MCTP1: variants seen among roughly 807,000 people sequenced by gnomAD.
MCTP1 encodes the protein multiple C2 and transmembrane domain containing 1.
In MCTP1, 69 loss-of-function variants were observed where a neutral mutation model predicts 120.6. The ratio of observed to expected loss-of-function variants is 0.57; its 90% CI spans 0.47 to 0.70. The LOEUF is 0.70. Ranked by LOEUF, MCTP1 falls within the 30% of genes least tolerant of loss-of-function variation. The pLI is 0.00. For missense variants in MCTP1, 1,203 were observed against 1,248.8 expected (o/e 0.96, Z 0.55); for synonymous variants, 529 against 493.1 (o/e 1.07, Z -0.96).
At chr5:95,071,793 T>A (rs1348472060) in intron 1 of MCTP1, among the ~76,000 whole-genome samples, 1 of 152,184 alleles carries the variant, frequency 6.6e-6, no homozygotes, top group Non-Finnish European at 1.5e-5. Context: ...AGAATGGCAC[T>A]CATACTCACA....
chr5:94,745,438 T>G (rs1173832618), intron 19 of MCTP1, among the ~76,000 whole-genome samples: 1 of 152,218 alleles, frequency 6.6e-6, no homozygotes, highest in Non-Finnish European at 1.5e-5. Context: ...ATATTTGACT[T>G]CTTTTAGCCT....
intron 1 of MCTP1, among the ~76,000 whole-genome samples, chr5:95,127,662 G>A (rs531749391): frequency 1.2e-4 from 19 of 152,234 alleles, no homozygotes; most frequent in East Asian, 1.9e-4. Context: ...AAAAAGAACC[G>A]GGGAAGGAAG....
At chr5:95,172,238 A>C (rs1262383749) in intron 1 of MCTP1, among the ~76,000 whole-genome samples, 1 of 152,188 alleles carries the variant, frequency 6.6e-6, no homozygotes, top group Non-Finnish European at 1.5e-5. Flanking sequence ...GCTGAACAGC[A>C]AATGTTGCTG....
At chr5:94,728,008 C>T (rs1762448988) in intron 19 of MCTP1, among the ~76,000 whole-genome samples, 1 of 152,150 alleles carries the variant, frequency 6.6e-6, no homozygotes, top group Non-Finnish European at 1.5e-5. Context: ...ACCTGAATAA[C>T]AACTTAGTGT....
At chr5:95,209,857 T>C (rs1752117175) in intron 1 of MCTP1, among the ~76,000 whole-genome samples, 1 of 152,184 alleles carries the variant, frequency 6.6e-6, no homozygotes, top group Non-Finnish European at 1.5e-5. Flanking sequence ...GTCCCAGAGA[T>C]TCTGGTATGT....
In MCTP1 at chr5:94,891,909, A is replaced by G. The variant is rs979236531; in HGVS notation, c.1839+2740T>C. On this transcript the variant is annotated intron_variant, in intron 11 of 22. Transcript: ENST00000515393. ...ATGGCTTCTGAAGCCAGAAATTTCC[A>G]TAGCAGAGGAATCTATGATTTGCTG... 1.3e-5 allele frequency among the ~76,000 whole-genome samples: 2 copies of G among 152,222 alleles called. 1 individual carries two copies. Among genetic ancestry groups the G allele is most frequent in the Non-Finnish European group, 2.9e-5 (2 of 68,036 alleles).
chr5:95,171,593 G>A (rs964020562), intron 1 of MCTP1, among the ~76,000 whole-genome samples: 1 of 152,074 alleles, frequency 6.6e-6, no homozygotes, highest in Non-Finnish European at 1.5e-5. Flanking sequence ...CATATTTCTT[G>A]GAGGCTTTGT....
intron 19 of MCTP1, among the ~76,000 whole-genome samples, chr5:94,734,068 G>A (rs1763681373): frequency 6.6e-6 from 1 of 152,110 alleles, no homozygotes; most frequent in African/African-American, 2.4e-5. Context: ...TCTCAAACGT[G>A]TAGAGTGATA....
intron 1 of MCTP1, among the ~76,000 whole-genome samples, chr5:95,098,234 G>T (rs1423069098): frequency 6.6e-6 from 1 of 152,132 alleles, no homozygotes; most frequent in Non-Finnish European, 1.5e-5. Flanking sequence ...AGGTGAGTTG[G>T]ATACTTTGCC....
intron 1 of MCTP1, among the ~76,000 whole-genome samples, chr5:95,136,118 T>C (rs898401950): frequency 2.6e-5 from 4 of 152,194 alleles, no homozygotes; most frequent in African/African-American, 9.7e-5. Context: ...CTTCTCCTCA[T>C]GTACATGTCT....
intron 10 of MCTP1, among the ~76,000 whole-genome samples, chr5:94,898,879 G>T (rs1804769673): frequency 6.6e-6 from 1 of 152,138 alleles, no homozygotes; most frequent in Non-Finnish European, 1.5e-5. Flanking sequence ...TTTCTCATCT[G>T]CAGATGAACT....
intron 1 of MCTP1, among the ~76,000 whole-genome samples, chr5:95,039,367 A>G (rs1007868118): frequency 4.6e-5 from 7 of 152,194 alleles, no homozygotes; most frequent in Non-Finnish European, 5.9e-5. Flanking sequence ...AGCTCTTTAG[A>G]ACTCTTCATC....
At chr5:95,218,867 C>T (rs895075338) in intron 1 of MCTP1, among the ~76,000 whole-genome samples, 1 of 152,108 alleles carries the variant, frequency 6.6e-6, no homozygotes, top group African/African-American at 2.4e-5. Flanking sequence ...CAATGGTAAC[C>T]ATTTGTGTAT....
chr5:94,909,432 A>AT (rs1313557256), intron 9 of MCTP1, 51 bp from the exon 10 acceptor site: 1 of 1,555,398 alleles, frequency 6.4e-7, no homozygotes, highest in Non-Finnish European at 8.6e-7. Context: ...TTTAAAAAAA[A>AT]CTTCAACCTG....
At chr5:95,044,560 C>A (rs2151934227) in intron 1 of MCTP1, among the ~76,000 whole-genome samples, 1 of 152,234 alleles carries the variant, frequency 6.6e-6, no homozygotes, top group Middle Eastern at 3.4e-3. Flanking sequence ...GACCTTTCTA[C>A]TTGGATGTCT....
At chr5:95,116,066 C>T (rs529012876) in intron 1 of MCTP1, among the ~76,000 whole-genome samples, 158 of 151,720 alleles carry the variant, frequency 1.0e-3, no homozygotes, top group East Asian at 1.2e-3. Context: ...AAATGTCCTT[C>T]GAACACGAAG....
intron 1 of MCTP1, among the ~76,000 whole-genome samples, chr5:95,051,015 C>T (rs59042491): frequency 0.088 from 13,374 of 152,126 alleles, 959 homozygotes; most frequent in East Asian, 0.37. Context: ...CAGATCCTTC[C>T]TTGGTGCCTT....
chr5:95,237,410 G>A (rs760535033), intron 1 of MCTP1, among the ~76,000 whole-genome samples: 1 of 152,108 alleles, frequency 6.6e-6, no homozygotes, highest in Non-Finnish European at 1.5e-5. Flanking sequence ...AGGGACATGC[G>A]GTGGGTTGGA....
intron 1 of MCTP1, among the ~76,000 whole-genome samples, chr5:95,209,676 T>C (rs1161110089): frequency 2.0e-5 from 3 of 152,190 alleles, no homozygotes; most frequent in Non-Finnish European, 4.4e-5. Flanking sequence ...CTTTAACTCA[T>C]GTTAGGCCAC....
Sources: allele counts gnomAD v4.1 joint callset (sites outside exome capture counted in the v4.1 genomes callset), GRCh38; gene constraint gnomAD v4.1.1; transcripts MANE v1.5; gene names NCBI Gene and HGNC (gene_info 2026-07-23, HGNC 2026-07-21).